The following LRP1B variants were observed in gnomAD, a reference collection of about 807,000 sequenced individuals.
The protein encoded by LRP1B is low-density lipoprotein receptor-related protein 1B.
A neutral mutation model predicts 556.6 loss-of-function variants in LRP1B; 217 were observed. The ratio of observed to expected loss-of-function variants is 0.39; its 90% CI spans 0.35 to 0.44. The LOEUF (loss-of-function observed/expected upper bound fraction) is 0.44. LRP1B is among the 20% of genes least tolerant of loss of function. The pLI, the probability that LRP1B is intolerant of heterozygous loss-of-function variation, is 1.00. For synonymous variants in LRP1B, 2,047 were observed against 1,865.8 expected (o/e 1.10, Z -2.50); for missense variants, 5,053 against 5,620.8 (o/e 0.90, Z 3.23).
chr2:141,644,729 T>TCACACACACACACACACA (rs3039268), intron 2 of LRP1B, among the ~76,000 whole-genome samples: 6 of 141,616 alleles, frequency 4.2e-5, no homozygotes, highest in African/African-American at 1.6e-4. Flanking sequence ...CAGTCATTGA[T>TCACACACACACACACACA]CACACACACA....
chr2:140,839,887 T>A (rs1365237031), intron 31 of LRP1B, 104 bp downstream of exon 31: 1 of 737,254 alleles, frequency 1.4e-6, no homozygotes, highest in African/African-American at 1.8e-5. Context: ...TTACTTATTT[T>A]ACTAATCTTT....
At chr2:141,760,571 A>G (rs1438480914) in intron 2 of LRP1B, among the ~76,000 whole-genome samples, 1 of 152,228 alleles carries the variant, frequency 6.6e-6, no homozygotes, top group Non-Finnish European at 1.5e-5. Flanking sequence ...TGCAACTTAT[A>G]TACAACAATA....
intron 1 of LRP1B, among the ~76,000 whole-genome samples, chr2:142,049,447 A>G (rs1395024992): frequency 6.6e-6 from 1 of 152,098 alleles, no homozygotes; most frequent in African/African-American, 2.4e-5. Context: ...CAGAGTTAAG[A>G]CAAAAGACAA....
rs114097445 is a variant in LRP1B at position 140,233,996 on chromosome 2, T to C, written c.13660-670A>G. ...TGACCTCTTTGAGTTGGAAAACATA[T>C]ACATACAATGTTCACTATTTAACAA... On this transcript the variant is annotated intron_variant, in intron 90 of 90. Coordinates refer to ENST00000389484, the MANE Select transcript of LRP1B (RefSeq NM_018557.3). Among the ~76,000 whole-genome samples the C allele has an allele frequency of 8.0e-3, 1,218 of 151,452 alleles. 14 individuals are homozygous for C. The highest frequency in any genetic ancestry group is 0.028 in the African/African-American group (1,163 of 41,470).
intron 3 of LRP1B, among the ~76,000 whole-genome samples, chr2:141,423,164 G>A (rs1178498783): frequency 6.6e-6 from 1 of 151,602 alleles, no homozygotes; most frequent in African/African-American, 2.4e-5. Context: ...CTACCTCCTG[G>A]CAGACAATTG....
intron 22 of LRP1B, among the ~76,000 whole-genome samples, chr2:140,906,367 G>A (rs758998370): frequency 2.6e-5 from 4 of 152,086 alleles, no homozygotes; most frequent in Non-Finnish European, 5.9e-5. Context: ...TCCAATTTGG[G>A]AAGTGAAGAA....
At chr2:140,513,290 C>T (rs1007238859) in intron 51 of LRP1B, among the ~76,000 whole-genome samples, 1 of 152,034 alleles carries the variant, frequency 6.6e-6, no homozygotes, top group Non-Finnish European at 1.5e-5. Flanking sequence ...ACTTTAGAGA[C>T]TTTGCCCCTA....
At chr2:140,911,655 T>A (rs1694422717) in intron 21 of LRP1B, among the ~76,000 whole-genome samples, 1 of 151,792 alleles carries the variant, frequency 6.6e-6, no homozygotes, top group Admixed American at 6.6e-5. Context: ...GCATAATATA[T>A]CATTGTAGTC....
chr2:140,928,657 C>A (rs1694957727), intron 20 of LRP1B, among the ~76,000 whole-genome samples: 1 of 151,958 alleles, frequency 6.6e-6, no homozygotes, highest in Non-Finnish European at 1.5e-5. Flanking sequence ...TACCATGGGC[C>A]CAGAAAAGAG....
chr2:141,068,769 G>T (rs896044370), intron 7 of LRP1B, among the ~76,000 whole-genome samples: 6 of 151,828 alleles, frequency 4.0e-5, no homozygotes, highest in Admixed American at 3.9e-4. Context: ...AAACCTTACC[G>T]AGGACTTCCT....
chr2:140,595,087 AATATATATATATATAT>A (rs60138085), intron 43 of LRP1B, among the ~76,000 whole-genome samples: 2,537 of 99,452 alleles, frequency 0.026, 60 homozygotes, highest in East Asian at 0.069. Flanking sequence ...ATATAAATTG[AATATATATATATATAT>A]ATATATATAT....
intron 3 of LRP1B, among the ~76,000 whole-genome samples, chr2:141,344,374 C>T (rs1322459687): frequency 6.9e-6 from 1 of 145,112 alleles, no homozygotes; most frequent in Non-Finnish European, 1.5e-5. Context: ...TCTGCTCTAG[C>T]CACAATGTCC....
At chr2:140,302,092 A>G (rs913100027) in intron 83 of LRP1B, among the ~76,000 whole-genome samples, 10 of 152,084 alleles carry the variant, frequency 6.6e-5, no homozygotes, top group African/African-American at 2.4e-4. Context: ...CCGAAACACT[A>G]GCTTTATTGA....
At chr2:140,513,987 T>C (rs916325178) in intron 51 of LRP1B, among the ~76,000 whole-genome samples, 81 of 152,178 alleles carry the variant, frequency 5.3e-4, no homozygotes, top group African/African-American at 1.8e-3. Flanking sequence ...CTAGCTTGTT[T>C]CCTTCTTTTA....
intron 43 of LRP1B, among the ~76,000 whole-genome samples, chr2:140,574,427 A>T (rs894200741): frequency 1.3e-5 from 2 of 152,178 alleles, no homozygotes; most frequent in African/African-American, 4.8e-5. Flanking sequence ...AATGGCATGA[A>T]CATCTGCACA....
chr2:141,628,672 A>G (rs182864765), intron 2 of LRP1B, among the ~76,000 whole-genome samples: 1 of 151,996 alleles, frequency 6.6e-6, no homozygotes, highest in South Asian at 2.1e-4. Context: ...TTTTTGAAAT[A>G]GGGTCTCACT....
At chr2:141,892,360 T>G (rs1699316871) in intron 1 of LRP1B, among the ~76,000 whole-genome samples, 1 of 151,984 alleles carries the variant, frequency 6.6e-6, no homozygotes, top group Admixed American at 6.6e-5. Context: ...AATAAAAATA[T>G]ACGGATAGAC....
At chr2:141,063,122 C>T (rs1699386673) in intron 7 of LRP1B, among the ~76,000 whole-genome samples, 1 of 151,742 alleles carries the variant, frequency 6.6e-6, no homozygotes, top group African/African-American at 2.4e-5. Flanking sequence ...ACTCATGAGA[C>T]TAAATTACAT....
intron 1 of LRP1B, among the ~76,000 whole-genome samples, chr2:142,050,069 T>C (rs1174918762): frequency 2.6e-5 from 4 of 152,174 alleles, no homozygotes; most frequent in Non-Finnish European, 5.9e-5. Context: ...ATTAGTTGCT[T>C]GAATAGCATG....
Sources: allele counts gnomAD v4.1 joint callset (sites outside exome capture counted in the v4.1 genomes callset), GRCh38; gene constraint gnomAD v4.1.1; transcripts MANE v1.5; gene names NCBI Gene and HGNC (gene_info 2026-07-23, HGNC 2026-07-21).